SSH2: variants seen among roughly 807,000 people sequenced by gnomAD.
SSH2 encodes slingshot protein phosphatase 2.
Under a neutral mutation model 135.2 loss-of-function variants are expected in SSH2, and 37 were observed. The observed-to-expected ratio is 0.27, with a 90% confidence interval of 0.21 to 0.36. The LOEUF (loss-of-function observed/expected upper bound fraction) is 0.36, where lower values mean the gene tolerates loss of function less well. Ranked by LOEUF, SSH2 falls within the 10% of genes least tolerant of loss-of-function variation. The pLI is 1.00. For missense variants in SSH2, 1,408 were observed against 1,765.3 expected (o/e 0.80, Z 3.63); for synonymous variants, 628 against 646.2 (o/e 0.97, Z 0.43).
chr17:29,809,309 A>T (rs1020625066), intron 2 of SSH2, among the ~76,000 whole-genome samples: 12 of 152,180 alleles, frequency 7.9e-5, no homozygotes, highest in African/African-American at 2.7e-4. Flanking sequence ...GACTGCCATT[A>T]GCTGGAAGTT....
intron 1 of SSH2, among the ~76,000 whole-genome samples, chr17:29,913,288 A>G (rs1483307795): frequency 8.1e-6 from 1 of 123,668 alleles, no homozygotes; most frequent in Non-Finnish European, 1.6e-5. Context: ...ACTGCACTCC[A>G]GCCTGGGCGA....
At chr17:29,794,446 C>T (rs1336755829) in intron 2 of SSH2, among the ~76,000 whole-genome samples, 1 of 152,136 alleles carries the variant, frequency 6.6e-6, no homozygotes, top group East Asian at 1.9e-4. Context: ...CTGTGTTCCT[C>T]AATTTAAGTA....
chr17:29,803,691 T>TA (rs1380984453), intron 2 of SSH2, among the ~76,000 whole-genome samples: 2 of 152,124 alleles, frequency 1.3e-5, no homozygotes, highest in African/African-American at 4.8e-5. Flanking sequence ...ATTGAATAAG[T>TA]AGACAAAATT....
chr17:29,789,170 T>C (rs969246417), intron 3 of SSH2, among the ~76,000 whole-genome samples: 6 of 152,226 alleles, frequency 3.9e-5, no homozygotes, highest in African/African-American at 1.2e-4. Context: ...GTTTGGCTCC[T>C]TCTGGCTGCT....
At chr17:29,823,280 C>G (rs1210973162) in intron 2 of SSH2, among the ~76,000 whole-genome samples, 1 of 152,076 alleles carries the variant, frequency 6.6e-6, no homozygotes, top group Admixed American at 6.6e-5. Flanking sequence ...AATTTTGTGA[C>G]AGTTTACAAA....
intron 3 of SSH2, among the ~76,000 whole-genome samples, chr17:29,716,954 G>C (rs776726172): frequency 2.6e-5 from 4 of 152,000 alleles, no homozygotes; most frequent in Non-Finnish European, 5.9e-5. Flanking sequence ...AATGTGTACC[G>C]GCAAATCACT....
chr17:29,889,740 A>C (rs2066311758), intron 1 of SSH2, among the ~76,000 whole-genome samples: 1 of 151,364 alleles, frequency 6.6e-6, no homozygotes, highest in Non-Finnish European at 1.5e-5. Flanking sequence ...AAAAAGACAA[A>C]AAGTCCAATT....
chr17:29,672,127 G>T lies in SSH2; in HGVS notation c.617C>A (p.Ser206Tyr). The change falls in exon 9 of 16, where the codon TCT (serine) becomes TAT (tyrosine). Residue 206 changes from serine (S) to tyrosine (Y), a missense_variant and splice_region_variant. Transcript: ENST00000540801. ...AGCCTTGTGTAAGCTCTGTAGTGCAGACCTGAAAGACATGCTGGGAAATGA... is the reference window on the plus strand; with the variant it reads ...AGCCTTGTGTAAGCTCTGTAGTGCATACCTGAAAGACATGCTGGGAAATGA... ...FKPVSVQAMW[S>Y]ALQSLHKACE... is the part of the protein sequence containing the mutation. 2 of 1,612,106 alleles carry T rather than the reference G, an allele frequency of 1.2e-6. No homozygotes were observed. Among genetic ancestry groups the T allele is most frequent in the Non-Finnish European group, 1.7e-6 (2 of 1,178,768 alleles).
intron 1 of SSH2, among the ~76,000 whole-genome samples, chr17:29,878,784 T>A (rs1360455093): frequency 1.3e-5 from 2 of 152,226 alleles, no homozygotes; most frequent in Admixed American, 6.5e-5. Context: ...TACTATGTTA[T>A]GATTGTAATA....
intron 3 of SSH2, among the ~76,000 whole-genome samples, chr17:29,741,034 T>G (rs1012633261): frequency 2.0e-5 from 3 of 152,216 alleles, no homozygotes; most frequent in Non-Finnish European, 4.4e-5. Context: ...TACTATTATT[T>G]CATCTTTCCA....
intron 1 of SSH2, 105 bp from the exon 2 acceptor site, chr17:29,849,034 T>C: frequency 1.5e-6 from 1 of 662,788 alleles, no homozygotes; most frequent in South Asian, 1.9e-5. Context: ...AGCTCACAGG[T>C]GAGAAGCTGC....
intron 3 of SSH2, among the ~76,000 whole-genome samples, chr17:29,709,025 G>T (rs1459460463): frequency 0.017 from 2,185 of 126,986 alleles, 19 homozygotes; most frequent in African/African-American, 0.02. Flanking sequence ...TAGAGAGAGA[G>T]AGAGAGAGAG....
intron 1 of SSH2, among the ~76,000 whole-genome samples, chr17:29,905,350 C>T (rs1206182261): frequency 2.6e-5 from 4 of 152,232 alleles, no homozygotes; most frequent in African/African-American, 9.6e-5. Flanking sequence ...ACACCCATGA[C>T]TGATGGTGGC....
chr17:29,781,483 T>C (rs1015973865), intron 3 of SSH2, among the ~76,000 whole-genome samples: 6 of 141,280 alleles, frequency 4.2e-5, no homozygotes, highest in African/African-American at 1.6e-4. Flanking sequence ...CTTTTTTTTT[T>C]TTTTTTTTTT....
At chr17:29,903,702 C>A (rs967067458) in intron 1 of SSH2, among the ~76,000 whole-genome samples, 36 of 152,078 alleles carry the variant, frequency 2.4e-4, no homozygotes, top group African/African-American at 8.7e-4. Context: ...CCCCTAGGGG[C>A]TGAAGTACAA....
intron 3 of SSH2, among the ~76,000 whole-genome samples, chr17:29,773,187 GT>G (rs979802313): frequency 1.3e-5 from 2 of 151,734 alleles, no homozygotes; most frequent in African/African-American, 4.8e-5. Context: ...ATTTCCCTTT[GT>G]ATATAAAAAG....
Position 29,631,135 on chromosome 17 carries a change from T to C in SSH2, c.4059A>G (p.Gln1353=), listed in dbSNP as rs901730877. ...GCACAATACACTCTGTTGTTGTGAG[T>C]TGTTCTACAAAAGACTTGGTGGGCT... The part of the protein sequence containing the change: ...NPEPTKSFVE[Q]LTTTECIVQS... Residue 1353 remains glutamine (Q), a synonymous_variant, in exon 16 of 16, where the codon CAA becomes CAG. Transcript: ENST00000540801. The C allele has an allele frequency of 6.2e-7, 1 of 1,614,166 alleles. No individual in the cohort carries two copies. Among genetic ancestry groups the C allele is most frequent in the Non-Finnish European group, 8.5e-7 (1 of 1,180,022 alleles).
intron 8 of SSH2, 59 bp from the exon 9 acceptor site, chr17:29,672,188 C>T: frequency 3.9e-6 from 5 of 1,286,462 alleles, no homozygotes; most frequent in South Asian, 1.4e-5. Context: ...AGGCCAATAA[C>T]CTGTGTACTC....
At chr17:29,784,596 CTCA>C (rs2041920870) in intron 3 of SSH2, among the ~76,000 whole-genome samples, 1 of 86,932 alleles carries the variant, frequency 1.2e-5, no homozygotes, top group Non-Finnish European at 2.1e-5. Context: ...TAGACTCCTT[CTCA>C]AAAAAAAAAA....
Sources: gnomAD v4.1 joint callset for allele counts (sites outside exome capture counted in the v4.1 genomes callset) on GRCh38, gnomAD v4.1.1 for gene constraint, MANE v1.5 for transcripts, NCBI Gene and HGNC (gene_info 2026-07-23, HGNC 2026-07-21) for gene names.